Variants in KDM2B observed in about 807,000 individuals in gnomAD.
The protein encoded by KDM2B is lysine-specific demethylase 2B.
Under a neutral mutation model 150.0 loss-of-function variants are expected in KDM2B, and 26 were observed. That is an observed-to-expected ratio of 0.17 (90% CI 0.13 to 0.24). KDM2B has a LOEUF of 0.24. KDM2B is among the 10% of genes least tolerant of loss of function. The pLI is 1.00. For synonymous variants in KDM2B, 734 were observed against 729.5 expected, an observed-to-expected ratio of 1.01 and a Z score of -0.10; for missense variants, 1,265 against 1,816.9, an observed-to-expected ratio of 0.70 and a Z score of 5.52.
At chr12:121,454,246 C>T (rs570074861) in intron 12 of KDM2B, among the ~76,000 whole-genome samples, 1 of 152,266 alleles carries the variant, frequency 6.6e-6, no homozygotes, top group South Asian at 2.1e-4. Flanking sequence ...CACCTCTCTA[C>T]GAGCCAGCCT....
chr12:121,445,560 C>T (rs1876009768), intron 13 of KDM2B, 142 bp from the exon 14 acceptor site: 1 of 727,838 alleles, frequency 1.4e-6, no homozygotes, highest in South Asian at 1.9e-5. Flanking sequence ...TTCGCTCACT[C>T]ATTCATTGAA....
At chr12:121,504,136 C>G (rs1328278584) in intron 11 of KDM2B, among the ~76,000 whole-genome samples, 1 of 152,176 alleles carries the variant, frequency 6.6e-6, no homozygotes, top group African/African-American at 2.4e-5. Context: ...TTCACTGTAG[C>G]CTCCACCTCC....
intron 11 of KDM2B, among the ~76,000 whole-genome samples, chr12:121,501,099 T>A (rs1213019920): frequency 6.6e-6 from 1 of 151,912 alleles, no homozygotes. Flanking sequence ...AGATTCCATC[T>A]CAAAAAAAAA....
At chr12:121,574,370 C>CTT (rs782171106) in intron 4 of KDM2B, 177 bp downstream of exon 4, 9 of 578,094 alleles carry the variant, frequency 1.6e-5, no homozygotes, top group South Asian at 1.3e-4. Flanking sequence ...CTTCTTAAGA[C>CTT]TGCAACCCTA....
intron 4 of KDM2B, among the ~76,000 whole-genome samples, chr12:121,559,243 G>T (rs1391145628): frequency 6.6e-6 from 1 of 151,888 alleles, no homozygotes; most frequent in Non-Finnish European, 1.5e-5. Context: ...CTTAGGAGCA[G>T]AAGGTCGGGA....
At chr12:121,443,285 T>G in intron 17 of KDM2B, 1 of 586,706 alleles carries the variant, frequency 1.7e-6, no homozygotes, top group Non-Finnish European at 3.0e-6. Flanking sequence ...GACCTGGAGA[T>G]GTGCAGCCGC....
intron 12 of KDM2B, among the ~76,000 whole-genome samples, chr12:121,485,677 G>A (rs1288288305): frequency 1.3e-5 from 2 of 152,020 alleles, no homozygotes; most frequent in Admixed American, 6.6e-5. Flanking sequence ...TTCTGTTTGG[G>A]GTGATGAAAG....
At chr12:121,420,830 A>C in the KDM2B span, 2 of 1,395,144 alleles carry the variant, frequency 1.4e-6, no homozygotes, top group Non-Finnish European at 2.0e-6. Flanking sequence ...TAGGCTTTTA[A>C]AAACTGGGTT....
intron 6 of KDM2B, among the ~76,000 whole-genome samples, chr12:121,548,082 TG>T (rs1434651595): frequency 6.6e-6 from 1 of 152,126 alleles, no homozygotes; most frequent in Non-Finnish European, 1.5e-5. Context: ...TCTCAGGACT[TG>T]CTGGTAATGC....
chr12:121,438,651 A>G (rs1874414202), intron 22 of KDM2B, among the ~76,000 whole-genome samples: 1 of 152,240 alleles, frequency 6.6e-6, no homozygotes, highest in Admixed American at 6.5e-5. Flanking sequence ...TAGGTCCCGA[A>G]TGATCTCATC....
At chr12:121,581,040 C>T (rs1891937856), upstream of KDM2B, 6 of 1,306,706 alleles carry the variant, frequency 4.6e-6, no homozygotes, top group Non-Finnish European at 6.2e-6. Context: ...TACAGCCAGA[C>T]CAGAGCCTTT....
At chr12:121,443,920 C>T in intron 16 of KDM2B, 92 bp downstream of exon 16, 4 of 1,495,898 alleles carry the variant, frequency 2.7e-6, no homozygotes, top group Non-Finnish European at 3.6e-6. Context: ...CCAAGCTCTA[C>T]CTGCTGCCCA....
rs1200418764 is a variant in KDM2B, at chr12:121,548,944, G to C, written c.616C>G (p.His206Asp). The C allele has an allele frequency of 6.2e-7, 1 of 1,614,064 alleles. No individual in the cohort carries two copies. The highest frequency in any genetic ancestry group is 8.5e-7 in the Non-Finnish European group (1 of 1,180,010). ...GCTTCTGTCTGCTTCTCCTTCAGATGCTGGGGCCACATGTTGTCCACCCAG... is the reference window on the plus strand; with the variant it reads ...GCTTCTGTCTGCTTCTCCTTCAGATCCTGGGGCCACATGTTGTCCACCCAG... ...VDWVDNMWPQHLKEKQTEATN... is the reference protein window; with the variant it reads ...VDWVDNMWPQDLKEKQTEATN... The change falls in exon 6 of 23, where the codon CAT (histidine) becomes GAT (aspartate). Residue 206 changes from histidine (H) to aspartate (D), a missense_variant. By Grantham distance (81) the His-to-Asp change is moderately conservative. Transcript: ENST00000377071.
intron 8 of KDM2B, among the ~76,000 whole-genome samples, chr12:121,529,025 G>A (rs781896663): frequency 3.9e-5 from 6 of 152,100 alleles, no homozygotes; most frequent in African/African-American, 7.2e-5. Flanking sequence ...AACCAGGAAA[G>A]GACATAACAA....
intron 6 of KDM2B, among the ~76,000 whole-genome samples, chr12:121,543,685 A>T (rs1293225900): frequency 2.0e-5 from 3 of 151,844 alleles, no homozygotes; most frequent in African/African-American, 7.3e-5. Context: ...TTAGCTGGGC[A>T]TGGTGGCGTG....
Position 121,440,976 on chromosome 12 carries a change from C to A in KDM2B, c.3450G>T (p.Gly1150=), listed in dbSNP as rs199816914. 5 of 1,613,490 alleles carry A rather than the reference C, an allele frequency of 3.1e-6. 1 individual carries two copies. The South Asian group carries it at 4.4e-5, about 14-fold the overall frequency. Residue 1150 remains glycine, a splice_region_variant and synonymous_variant, in exon 21 of 23, where the codon GGG becomes GGT. Transcript: ENST00000377071. ...AGCCTGACAGCACCAAGTCCCGGAG[C>A]CCTGGGGGGACATAGAAAAGGGTGA... ...QLSWLINRLP[G]LRDLVLSGCS... is the part of the protein sequence containing the mutation.
At chr12:121,560,014 G>A (rs1366550494) in intron 4 of KDM2B, among the ~76,000 whole-genome samples, 1 of 151,998 alleles carries the variant, frequency 6.6e-6, no homozygotes, top group Non-Finnish European at 1.5e-5. Flanking sequence ...GTTTTTATAT[G>A]TTTTTATTTA....
intron 22 of KDM2B, among the ~76,000 whole-genome samples, chr12:121,437,140 A>G (rs1555286979): frequency 2.0e-5 from 3 of 151,858 alleles, no homozygotes. Flanking sequence ...GTCCCAGAGG[A>G]GAAAACGGAA....
At position 121,453,545 on chromosome 12, in the gene KDM2B, C is replaced by T. The variant is rs1010191098; in HGVS notation, c.1735-201G>A. Among the ~76,000 whole-genome samples the T allele has an allele frequency of 3.9e-5, 6 of 152,212 alleles. No homozygotes were observed. The highest frequency in any genetic ancestry group is 7.2e-5 in the African/African-American group (3 of 41,454). The stretch of plus-strand genomic sequence containing the variant: ...GGTTAAACGAGGTAATTCAGGTGAA[C>T]GCTAATCCAGTATGACTGGTGTCCT... On this transcript the variant is annotated intron_variant, in intron 12 of 22. Transcript: ENST00000377071. The surrounding 1 kb of genome is among the most constrained non-coding windows in gnomAD (Gnocchi z 6.4).
Sources: allele counts gnomAD v4.1 joint callset (sites outside exome capture counted in the v4.1 genomes callset), GRCh38; gene constraint gnomAD v4.1.1; non-coding constraint Gnocchi (gnomAD v3.1); transcripts MANE v1.5; gene names NCBI Gene and HGNC (gene_info 2026-07-23, HGNC 2026-07-21).